Variants in CFAP47 observed in about 807,000 individuals in gnomAD.
The protein encoded by CFAP47 is cilia- and flagella-associated protein 47.
Under a neutral mutation model 148.1 loss-of-function variants are expected in CFAP47, and 29 were observed. That is an observed-to-expected ratio of 0.20 (90% CI 0.15 to 0.27). CFAP47 has a LOEUF of 0.27. CFAP47 is among the 10% of genes least tolerant of loss of function. The pLI is 1.00. For synonymous variants in CFAP47, 664 were observed against 577.3 expected (o/e 1.15, Z -2.15); for missense variants, 1,872 against 1,697.5 (o/e 1.10, Z -1.81).
In CFAP47 at chrX:36,236,670, G is replaced by T. The variant is rs1178917408; in HGVS notation, c.7159-16G>T. The T allele has an allele frequency of 1.9e-6, 1 of 518,831 alleles. No individual in the cohort carries two copies. Among genetic ancestry groups the T allele is most frequent in the East Asian group, 3.7e-5 (1 of 27,325 alleles). The allele number at this position is 518,831 out of a possible 1,213,427, so 42.8% of individuals were successfully genotyped here. A position where few individuals can be genotyped will look rare whatever the true frequency, so the allele number is the denominator to read the frequency against. On this transcript the variant is annotated splice_polypyrimidine_tract_variant and intron_variant, in intron 47 of 63. Transcript: ENST00000378653. ...TATGACTCCTATAGACCTGAAATTT[G>T]TCTGGTTTCTCATAGGGTAAACTTA...
intron 49 of CFAP47, among the ~76,000 whole-genome samples, chrX:36,254,961 A>G (rs1420743910): frequency 8.9e-6 from 1 of 111,783 alleles, no homozygotes; most frequent in Non-Finnish European, 1.9e-5. Context: ...GCATGTACTA[A>G]TGTTATACCA....
rs782412868 is a variant in CFAP47 at position 36,379,617 on chromosome X, A to T, written c.9354+99A>T. The T allele has an allele frequency of 1.4e-5, 10 of 694,333 alleles. No homozygotes were observed. The East Asian group carries it at 2.9e-4, about 20-fold the overall frequency. The allele number at this position is 694,333 out of a possible 1,213,427, so 57.2% of individuals were successfully genotyped here. A position where few individuals can be genotyped will look rare whatever the true frequency, so the allele number is the denominator to read the frequency against. ...TTTTACTACATGGTGACAGATAAAGAATAACAATTTTGCTGTGCAAAAATC... is the reference window on the plus strand; with the variant it reads ...TTTTACTACATGGTGACAGATAAAGTATAACAATTTTGCTGTGCAAAAATC... On this transcript the variant is annotated intron_variant, in intron 63 of 63. Coordinates refer to ENST00000378653, the MANE Select transcript of CFAP47 (RefSeq NM_001304548.2).
At chrX:36,096,474 C>T (rs1007237481) in intron 30 of CFAP47, among the ~76,000 whole-genome samples, 2 of 110,825 alleles carry the variant, frequency 1.8e-5, no homozygotes, top group South Asian at 3.7e-4. Flanking sequence ...TATCTATTGG[C>T]CTATCTTGCT....
intron 7 of CFAP47, among the ~76,000 whole-genome samples, chrX:35,954,049 A>T (rs1190946646): frequency 2.7e-5 from 3 of 110,965 alleles, no homozygotes; most frequent in Non-Finnish European, 3.8e-5. Context: ...AGGGATTGGT[A>T]TGGGGACAAA....
At chrX:36,077,615 T>A (rs1198814600) in intron 29 of CFAP47, among the ~76,000 whole-genome samples, 1 of 111,170 alleles carries the variant, frequency 9.0e-6, no homozygotes, top group African/African-American at 3.3e-5. Context: ...CATACATTGA[T>A]TTTGTATCTT....
chrX:36,308,492 G>A (rs1556009297), intron 55 of CFAP47, among the ~76,000 whole-genome samples: 1 of 111,273 alleles, frequency 9.0e-6, no homozygotes, highest in Non-Finnish European at 1.9e-5. Flanking sequence ...GACATCTTTT[G>A]CAAGAAAAAC....
intron 36 of CFAP47, among the ~76,000 whole-genome samples, chrX:36,147,035 G>A (rs1011086198): frequency 1.8e-5 from 2 of 110,543 alleles, no homozygotes; most frequent in Non-Finnish European, 3.8e-5. Context: ...CACCCGCCTC[G>A]GCCTTCCAAA....
intron 63 of CFAP47, among the ~76,000 whole-genome samples, chrX:36,382,380 C>T (rs1343588211): frequency 2.7e-5 from 3 of 111,526 alleles, no homozygotes; most frequent in African/African-American, 9.8e-5. Context: ...AGTAGAGAAG[C>T]CTTCTGGGGT....
intron 39 of CFAP47, among the ~76,000 whole-genome samples, chrX:36,169,058 C>A (rs1391003296): frequency 2.7e-5 from 3 of 110,731 alleles, no homozygotes; most frequent in Non-Finnish European, 3.8e-5. Context: ...TGTACTTCAT[C>A]AACTCGATTT....
At chrX:36,068,097 C>T (rs1484698305) in intron 27 of CFAP47, among the ~76,000 whole-genome samples, 1 of 112,095 alleles carries the variant, frequency 8.9e-6, no homozygotes, top group African/African-American at 3.2e-5. Flanking sequence ...ACATTTTTCC[C>T]TTTATGCTCA....
At chrX:36,150,744 A>T (rs1234858443) in intron 37 of CFAP47, among the ~76,000 whole-genome samples, 1 of 111,608 alleles carries the variant, frequency 9.0e-6, no homozygotes, top group Non-Finnish European at 1.9e-5. Context: ...CTAAAGGGGC[A>T]TATAAAAGAT....
intron 39 of CFAP47, among the ~76,000 whole-genome samples, chrX:36,173,649 A>T (rs1397103692): frequency 1.8e-5 from 2 of 112,092 alleles, no homozygotes; most frequent in Non-Finnish European, 3.8e-5. Context: ...GTTTGATTGC[A>T]CTGTGGTCTG....
At chrX:36,317,422 C>G (rs782264948) in intron 56 of CFAP47, among the ~76,000 whole-genome samples, 1 of 104,892 alleles carries the variant, frequency 9.5e-6, no homozygotes, top group South Asian at 4.2e-4. Context: ...TTTTTTCTTT[C>G]TTTTTGAGAC....
intron 8 of CFAP47, among the ~76,000 whole-genome samples, chrX:35,960,284 T>C (rs1006624142): frequency 1.9e-4 from 20 of 103,985 alleles, no homozygotes; most frequent in Non-Finnish European, 3.1e-4. Context: ...TTGGGAAATA[T>C]GAGCCTTCTA....
chrX:36,197,999 A>T (rs1198251405), intron 42 of CFAP47, among the ~76,000 whole-genome samples: 1 of 111,338 alleles, frequency 9.0e-6, no homozygotes, highest in Non-Finnish European at 1.9e-5. Context: ...TGTTATCTAG[A>T]TTTGTAATAT....
intron 23 of CFAP47, among the ~76,000 whole-genome samples, chrX:36,035,167 A>G (rs1310132827): frequency 9.0e-6 from 1 of 111,570 alleles, no homozygotes; most frequent in African/African-American, 3.2e-5. Flanking sequence ...CAAATAAAGA[A>G]GTTTCAGAAT....
intron 21 of CFAP47, among the ~76,000 whole-genome samples, chrX:36,005,681 A>G (rs895130207): frequency 8.9e-6 from 1 of 112,152 alleles, no homozygotes; most frequent in Admixed American, 9.5e-5. Context: ...GTGTGTGCAC[A>G]TGTGTGCAAT....
intron 45 of CFAP47, among the ~76,000 whole-genome samples, chrX:36,218,170 G>C (rs782591948): frequency 4.4e-5 from 5 of 112,374 alleles, no homozygotes; most frequent in South Asian, 3.6e-4. Context: ...ATTAGAGAAA[G>C]TTTATGGTAT....
At chrX:36,225,133 A>G (rs1183373187) in intron 45 of CFAP47, among the ~76,000 whole-genome samples, 4 of 111,841 alleles carry the variant, frequency 3.6e-5, no homozygotes, top group African/African-American at 6.5e-5. Context: ...AAGAAAAGAT[A>G]CAGGTTAACT....
Sources: gnomAD v4.1 joint callset for allele counts (sites outside exome capture counted in the v4.1 genomes callset) on GRCh38, gnomAD v4.1.1 for gene constraint, MANE v1.5 for transcripts, NCBI Gene and HGNC (gene_info 2026-07-23, HGNC 2026-07-21) for gene names.